FSTL4: variants seen among roughly 807,000 people sequenced by gnomAD.
FSTL4 encodes the protein follistatin like 4.
A neutral mutation model predicts 78.2 loss-of-function variants in FSTL4; 28 were observed. The observed-to-expected ratio is 0.36, with a 90% CI of 0.27 to 0.49. The LOEUF is 0.49. Ranked by LOEUF, FSTL4 falls within the 20% of genes least tolerant of loss-of-function variation. The pLI is 0.98. For synonymous variants in FSTL4, 422 were observed against 440.5 expected (o/e 0.96, Z 0.53); for missense variants, 922 against 1,084.9 (o/e 0.85, Z 2.11).
intron 3 of FSTL4, among the ~76,000 whole-genome samples, chr5:133,485,438 C>T (rs1220715965): frequency 6.6e-6 from 1 of 152,184 alleles, no homozygotes. Flanking sequence ...GTGTTGGCAA[C>T]AGCTGAATTT....
chr5:133,245,416 C>A (rs189713046), intron 7 of FSTL4, among the ~76,000 whole-genome samples: 2 of 152,342 alleles, frequency 1.3e-5, no homozygotes, highest in Admixed American at 6.5e-5. Context: ...CATCAAACAT[C>A]TGCGCTTCCC....
chr5:133,820,531 A>T, the FSTL4 span, among the ~76,000 whole-genome samples: 28,809 of 152,130 alleles, frequency 0.19, 2,922 homozygotes, highest in Non-Finnish European at 0.21. Context: ...TTCTCTGTGG[A>T]TCATGTACAT....
chr5:133,458,411 T>G (rs1158481426), intron 3 of FSTL4: 1 of 152,246 alleles, frequency 6.6e-6, no homozygotes, highest in East Asian at 1.9e-4. Flanking sequence ...GAAACAGGGA[T>G]GCCATCAGCT....
At chr5:133,553,005 TAA>T (rs988964765) in intron 3 of FSTL4, among the ~76,000 whole-genome samples, 2 of 152,154 alleles carry the variant, frequency 1.3e-5, no homozygotes, top group African/African-American at 4.8e-5. Flanking sequence ...GACCTCTGGG[TAA>T]AGTCTCCTGG....
intron 6 of FSTL4, among the ~76,000 whole-genome samples, chr5:133,308,707 A>G (rs1158182568): frequency 1.3e-5 from 2 of 152,220 alleles, no homozygotes; most frequent in Non-Finnish European, 2.9e-5. Flanking sequence ...CATCTGTTTC[A>G]TAGAGTTGCC....
chr5:133,751,893 G>A, the FSTL4 span, among the ~76,000 whole-genome samples: 2 of 152,316 alleles, frequency 1.3e-5, no homozygotes, highest in African/African-American at 2.4e-5. Context: ...ATCTTACTGA[G>A]TCTGATAAAT....
rs1285757112 is a variant in FSTL4, at chr5:133,361,252, C to CT, written c.409+39485dup. On this transcript the variant is annotated intron_variant, in intron 4 of 15. Transcript: ENST00000265342. This position sits in a 1 kb window ranked among gnomAD's most constrained non-coding sequence, Gnocchi z 4.3. Reference sequence around the variant, plus strand: ...GCTTCTTTCCAGAGCTTTCTAATGACTTGGTATTGTCTCTGGATGAAAACC... The same window carrying CT: ...GCTTCTTTCCAGAGCTTTCTAATGACTTTGGTATTGTCTCTGGATGAAAACC... 4.1e-4 allele frequency among the ~76,000 whole-genome samples: 62 copies of CT among 152,326 alleles called. No homozygotes were observed. The highest frequency in any genetic ancestry group is 1.5e-3 in the African/African-American group (62 of 41,572).
At chr5:133,323,799 T>G (rs1421138162) in intron 4 of FSTL4, among the ~76,000 whole-genome samples, 1 of 152,208 alleles carries the variant, frequency 6.6e-6, no homozygotes. Context: ...GAGCCCAGAG[T>G]GTGATCCTAT....
chr5:133,603,797 A>T, intron 2 of FSTL4, 61 bp downstream of exon 2: 1 of 1,550,732 alleles, frequency 6.4e-7, no homozygotes, highest in Non-Finnish European at 8.9e-7. Context: ...GGGAAATCAG[A>T]TACTGTAACA....
At chr5:133,659,911 G>A in the FSTL4 span, among the ~76,000 whole-genome samples, 4 of 152,038 alleles carry the variant, frequency 2.6e-5, no homozygotes, top group South Asian at 8.3e-4. Context: ...GAGAAGAAAG[G>A]GATTAAGGGA....
chr5:133,473,445 G>A (rs899462073), intron 3 of FSTL4, among the ~76,000 whole-genome samples: 27 of 152,092 alleles, frequency 1.8e-4, no homozygotes, highest in African/African-American at 5.8e-4. Context: ...GCTTGACCCC[G>A]TAACCACTTC....
At chr5:133,216,575 T>A (rs1489549915) in intron 13 of FSTL4, among the ~76,000 whole-genome samples, 2 of 152,202 alleles carry the variant, frequency 1.3e-5, no homozygotes, top group Admixed American at 1.3e-4. Context: ...GGTCTCAAAC[T>A]CCTGACCTTA....
the FSTL4 span, among the ~76,000 whole-genome samples, chr5:133,659,922 A>C: frequency 5.4e-3 from 815 of 152,292 alleles, 1 homozygote; most frequent in Non-Finnish European, 8.8e-3. Context: ...GATTAAGGGA[A>C]GGAAATAAAG....
At chr5:133,708,361 G>C in the FSTL4 span, among the ~76,000 whole-genome samples, 1 of 152,154 alleles carries the variant, frequency 6.6e-6, no homozygotes, top group Non-Finnish European at 1.5e-5. Flanking sequence ...CGCTGTGGGT[G>C]GGTCTCTGCC....
At chr5:133,607,754 C>T (rs1761006280) in intron 1 of FSTL4, among the ~76,000 whole-genome samples, 1 of 152,174 alleles carries the variant, frequency 6.6e-6, no homozygotes. Flanking sequence ...CTGCCACGAG[C>T]TACTCTCCTC....
intron 3 of FSTL4, among the ~76,000 whole-genome samples, chr5:133,471,116 A>G (rs975195720): frequency 2.6e-5 from 4 of 152,210 alleles, no homozygotes; most frequent in Non-Finnish European, 4.4e-5. Context: ...ATTTTATAAC[A>G]TCAAGGACAT....
At chr5:133,815,167 G>A in the FSTL4 span, among the ~76,000 whole-genome samples, 1 of 152,224 alleles carries the variant, frequency 6.6e-6, no homozygotes, top group African/African-American at 2.4e-5. Flanking sequence ...GATTCTAACA[G>A]GTCAGGCTGC....
intron 3 of FSTL4, among the ~76,000 whole-genome samples, chr5:133,437,364 G>C (rs545309895): frequency 6.6e-6 from 1 of 152,050 alleles, no homozygotes; most frequent in Admixed American, 6.6e-5. Context: ...GGTAGCTTGA[G>C]AAGGTAATAT....
At chr5:133,507,172 C>A (rs534626870) in intron 3 of FSTL4, among the ~76,000 whole-genome samples, 3 of 152,064 alleles carry the variant, frequency 2.0e-5, no homozygotes, top group Non-Finnish European at 2.9e-5. Flanking sequence ...CACGCCACTG[C>A]CCTTCAGCCT....
Sources: allele counts gnomAD v4.1 joint callset (sites outside exome capture counted in the v4.1 genomes callset), GRCh38; gene constraint gnomAD v4.1.1; non-coding constraint Gnocchi (gnomAD v3.1); transcripts MANE v1.5; gene names NCBI Gene and HGNC (gene_info 2026-07-23, HGNC 2026-07-21).